Variants in CUBN observed in about 807,000 individuals in gnomAD.
CUBN encodes 460 kDa receptor.
A neutral mutation model predicts 405.3 loss-of-function variants in CUBN; 282 were observed. The observed-to-expected ratio is 0.70, with a 90% CI of 0.63 to 0.77. The LOEUF (loss-of-function observed/expected upper bound fraction) is 0.77. Among genes scored for constraint, CUBN ranks in the 30% least tolerant of loss-of-function variants. The pLI is 0.00. For missense variants in CUBN, 4,514 were observed against 4,475.2 expected, an observed-to-expected ratio of 1.01 and a Z score of -0.25; for synonymous variants, 1,684 against 1,617.0, an observed-to-expected ratio of 1.04 and a Z score of -0.99.
chr10:16,905,740 A>C (rs1171156768), intron 50 of CUBN, among the ~76,000 whole-genome samples: 2 of 152,158 alleles, frequency 1.3e-5, no homozygotes, highest in African/African-American at 4.8e-5. Context: ...TATGGCTTCG[A>C]ACAGAGTTCT....
intron 62 of CUBN, among the ~76,000 whole-genome samples, chr10:16,837,678 T>C (rs1353262125): frequency 6.6e-6 from 1 of 152,078 alleles, no homozygotes; most frequent in Non-Finnish European, 1.5e-5. Flanking sequence ...CTACACATCA[T>C]TCCTTCATGA....
chr10:16,979,775 G>A (rs1833210664), intron 31 of CUBN, among the ~76,000 whole-genome samples: 1 of 152,130 alleles, frequency 6.6e-6, no homozygotes, highest in African/African-American at 2.4e-5. Context: ...TCAGGACATA[G>A]GCATGGGCAA....
intron 14 of CUBN, among the ~76,000 whole-genome samples, chr10:17,097,218 G>C (rs1312565869): frequency 6.6e-6 from 1 of 151,844 alleles, no homozygotes; most frequent in Non-Finnish European, 1.5e-5. Flanking sequence ...AGGTAAAAAA[G>C]ATAACATAAA....
intron 27 of CUBN, among the ~76,000 whole-genome samples, chr10:17,039,205 G>A (rs1834964012): frequency 6.6e-6 from 1 of 152,144 alleles, no homozygotes; most frequent in Non-Finnish European, 1.5e-5. Context: ...TACGTGCAAC[G>A]CTCGGCAAGA....
Position 17,077,730 on chromosome 10 carries a change from G to A in CUBN, c.2302-5759C>T, listed in dbSNP as rs187054132. Among the ~76,000 whole-genome samples the A allele has an allele frequency of 9.0e-4, 137 of 152,224 alleles. 1 individual carries two copies. Among genetic ancestry groups the A allele is most frequent in the Admixed American group, 3.3e-3 (50 of 15,288 alleles). On this transcript the variant is annotated intron_variant, in intron 17 of 66. Transcript: ENST00000377833. ...TAGGGAGGAGCCTTGGGCTAATCTGGGTGAGCAGGAGAGGAATGAGGCCCT... is the reference window on the plus strand; with the variant it reads ...TAGGGAGGAGCCTTGGGCTAATCTGAGTGAGCAGGAGAGGAATGAGGCCCT...
At position 16,888,532 on chromosome 10, in the gene CUBN, G is replaced by A. The variant is rs1840890078; in HGVS notation, c.8790C>T (p.Tyr2930=). The A allele has an allele frequency of 1.2e-6, 2 of 1,613,522 alleles. No individual in the cohort carries two copies. Among genetic ancestry groups the A allele is most frequent in the Non-Finnish European group, 1.7e-6 (2 of 1,179,664 alleles). ...GTTTTGGGTAATTTGGAGAAATGAT[G>A]TAACCTGAAGGGCCAGTGAAATTAC... ...CGSNFTGPSG[Y]IISPNYPKQY... is the part of the protein sequence containing the mutation. Residue 2930 remains tyrosine (Y), a synonymous_variant, in exon 56 of 67, where the codon TAC becomes TAT. Transcript: ENST00000377833.
chr10:17,031,040 C>G (rs1195857277), intron 27 of CUBN, among the ~76,000 whole-genome samples: 1 of 152,142 alleles, frequency 6.6e-6, no homozygotes, highest in Non-Finnish European at 1.5e-5. Flanking sequence ...ACGAACACTC[C>G]TGTTAGTCAC....
intron 51 of CUBN, 122 bp downstream of exon 51, chr10:16,903,841 GATA>G (rs1203069373): frequency 1.8e-6 from 1 of 558,960 alleles, no homozygotes; most frequent in Non-Finnish European, 2.9e-6. Context: ...AAATCTCATT[GATA>G]ATATTAACAA....
At chr10:16,883,666 A>C (rs1169034719) in intron 56 of CUBN, among the ~76,000 whole-genome samples, 7 of 152,214 alleles carry the variant, frequency 4.6e-5, no homozygotes, top group African/African-American at 1.7e-4. Context: ...GATATAACCC[A>C]TAAACTGGGA....
chr10:17,013,576 A>C (rs183997430), intron 28 of CUBN, among the ~76,000 whole-genome samples: 15 of 152,326 alleles, frequency 9.8e-5, no homozygotes, highest in African/African-American at 3.1e-4. Flanking sequence ...CACTGAGTGC[A>C]ATAACTCCAT....
chr10:17,091,186 G>T (rs1185842295), intron 14 of CUBN, among the ~76,000 whole-genome samples: 1 of 152,080 alleles, frequency 6.6e-6, no homozygotes, highest in Non-Finnish European at 1.5e-5. Context: ...AAACTAACTG[G>T]AAAATTTTCC....
At chr10:16,893,639 C>A (rs1564408037) in intron 54 of CUBN, among the ~76,000 whole-genome samples, 2 of 152,096 alleles carry the variant, frequency 1.3e-5, no homozygotes, top group Non-Finnish European at 2.9e-5. Context: ...TCTTTGGAGG[C>A]TGCCTTTTTT....
chr10:17,051,936 T>C (rs1310028841), intron 22 of CUBN, among the ~76,000 whole-genome samples: 1 of 151,978 alleles, frequency 6.6e-6, no homozygotes, highest in Non-Finnish European at 1.5e-5. Context: ...TCTAGTAAGA[T>C]ATAGGAGTTC....
intron 37 of CUBN, 51 bp downstream of exon 37, chr10:16,939,981 T>G: frequency 7.3e-7 from 1 of 1,376,046 alleles, no homozygotes; most frequent in Non-Finnish European, 1.0e-6. Context: ...TTATTATTTC[T>G]AGTTTGTAAG....
chr10:16,865,676 C>A (rs1394900507), intron 59 of CUBN, among the ~76,000 whole-genome samples: 2 of 152,052 alleles, frequency 1.3e-5, no homozygotes, highest in Admixed American at 6.6e-5. Flanking sequence ...CCTAAAAGTA[C>A]CCAATCACAG....
At chr10:17,020,798 T>C (rs977398762) in intron 27 of CUBN, among the ~76,000 whole-genome samples, 9 of 152,236 alleles carry the variant, frequency 5.9e-5, no homozygotes, top group Admixed American at 1.3e-4. Flanking sequence ...TATAATTCTA[T>C]TGTTGTTTCA....
chr10:16,839,906 G>A (rs1378887246), intron 62 of CUBN, among the ~76,000 whole-genome samples: 1 of 152,134 alleles, frequency 6.6e-6, no homozygotes, highest in African/African-American at 2.4e-5. Flanking sequence ...ATGAGGTCAT[G>A]TCCTTTGTAG....
At chr10:17,104,351 G>T in intron 12 of CUBN, 68 bp downstream of exon 12, 2 of 1,436,512 alleles carry the variant, frequency 1.4e-6, no homozygotes, top group Non-Finnish European at 2.0e-6. Flanking sequence ...GGAATCTGTT[G>T]AGGGACTCAC....
At chr10:16,974,650 C>T (rs1036335401) in intron 31 of CUBN, among the ~76,000 whole-genome samples, 2 of 152,076 alleles carry the variant, frequency 1.3e-5, no homozygotes, top group African/African-American at 2.4e-5. Flanking sequence ...GGATTACAGG[C>T]GTGAGCCACC....
Sources: gnomAD v4.1 joint callset for allele counts (sites outside exome capture counted in the v4.1 genomes callset) on GRCh38, gnomAD v4.1.1 for gene constraint, MANE v1.5 for transcripts, NCBI Gene and HGNC (gene_info 2026-07-23, HGNC 2026-07-21) for gene names.